The following SOS2 variants were observed in gnomAD, a reference collection of about 807,000 sequenced individuals.
SOS2 encodes SOS Ras/Rho guanine nucleotide exchange factor 2.
Under a neutral mutation model 148.2 loss-of-function variants are expected in SOS2, and 65 were observed. That is an observed-to-expected ratio of 0.44 (90% CI 0.36 to 0.54). SOS2 has a LOEUF of 0.54. Ranked by LOEUF, SOS2 falls within the 20% of genes least tolerant of loss-of-function variation. The pLI is 0.00. For synonymous variants in SOS2, 539 were observed against 537.1 expected (o/e 1.00, Z -0.05); for missense variants, 1,341 against 1,590.2 (o/e 0.84, Z 2.67).
chr14:50,165,044 A>G (rs1026977283), intron 8 of SOS2, among the ~76,000 whole-genome samples: 7 of 152,096 alleles, frequency 4.6e-5, no homozygotes. Context: ...GTTTTGCAGT[A>G]GTTTTTGGAA....
At chr14:50,128,513 G>A (rs1452256829) in intron 21 of SOS2, among the ~76,000 whole-genome samples, 3 of 152,304 alleles carry the variant, frequency 2.0e-5, no homozygotes, top group Non-Finnish European at 2.9e-5. Flanking sequence ...AAGCATAGCA[G>A]TGAATAATAT....
intron 2 of SOS2, among the ~76,000 whole-genome samples, chr14:50,202,019 G>T (rs1460425275): frequency 1.3e-5 from 2 of 152,170 alleles, no homozygotes; most frequent in African/African-American, 4.8e-5. Flanking sequence ...TGCAAGTGCA[G>T]TGGCGGGATC....
intron 8 of SOS2, among the ~76,000 whole-genome samples, chr14:50,164,958 G>A (rs914926311): frequency 3.3e-5 from 5 of 151,994 alleles, no homozygotes; most frequent in Non-Finnish European, 7.3e-5. Context: ...GTGCCAGTGT[G>A]TGCAGATCGT....
At chr14:50,182,682 T>C (rs2139710508) in intron 5 of SOS2, 76 bp from the exon 6 acceptor site, 16 of 1,202,922 alleles carry the variant, frequency 1.3e-5, no homozygotes, top group South Asian at 9.4e-5. Flanking sequence ...TAAAGAGCAA[T>C]ATAGGCTACT....
intron 18 of SOS2, among the ~76,000 whole-genome samples, chr14:50,135,849 C>T (rs924644305): frequency 5.3e-5 from 8 of 150,462 alleles, no homozygotes; most frequent in African/African-American, 2.0e-4. Flanking sequence ...TAATTTTTTG[C>T]TATTATAATA....
chr14:50,226,254 A>T (rs1887370888), intron 1 of SOS2, among the ~76,000 whole-genome samples: 1 of 152,162 alleles, frequency 6.6e-6, no homozygotes, highest in Non-Finnish European at 1.5e-5. Flanking sequence ...ACCAGCCTGG[A>T]GACAGTAATA....
intron 1 of SOS2, among the ~76,000 whole-genome samples, chr14:50,214,516 A>T (rs1024345303): frequency 8.6e-5 from 13 of 151,680 alleles, no homozygotes; most frequent in Admixed American, 6.6e-5. Context: ...AGACATTTTT[A>T]AAAAAGTAGA....
chr14:50,201,270 C>T (rs371038421), intron 2 of SOS2, among the ~76,000 whole-genome samples, 186 bp from the exon 3 acceptor site: 2 of 152,050 alleles, frequency 1.3e-5, no homozygotes, highest in East Asian at 3.9e-4. Flanking sequence ...CGGTGGCTCA[C>T]GTCTGTAATC....
chr14:50,185,158 A>G (rs1214475491), intron 5 of SOS2, among the ~76,000 whole-genome samples: 1 of 152,168 alleles, frequency 6.6e-6, no homozygotes, highest in Non-Finnish European at 1.5e-5. Context: ...CCAATTTATA[A>G]CTGATCAGTT....
chr14:50,220,838 A>G (rs1887181987), intron 1 of SOS2, among the ~76,000 whole-genome samples: 1 of 152,196 alleles, frequency 6.6e-6, no homozygotes, highest in South Asian at 2.1e-4. Context: ...TTGTCATCAA[A>G]GTTTTCTTTG....
At chr14:50,140,339 A>G (rs1884228998) in intron 16 of SOS2, among the ~76,000 whole-genome samples, 1 of 152,228 alleles carries the variant, frequency 6.6e-6, no homozygotes, top group Admixed American at 6.5e-5. Context: ...CAGGGTTTCA[A>G]GTCATAGCTG....
chr14:50,156,837 T>C (rs1884836060), intron 12 of SOS2, 162 bp downstream of exon 12: 1 of 368,292 alleles, frequency 2.7e-6, no homozygotes, highest in Admixed American at 4.0e-5. Context: ...AGAACTCTTT[T>C]AGTTTAACTT....
intron 5 of SOS2, among the ~76,000 whole-genome samples, chr14:50,187,405 T>C (rs141748773): frequency 0.029 from 4,335 of 148,412 alleles, 91 homozygotes; most frequent in Non-Finnish European, 0.047. Flanking sequence ...TGGAGTGCAG[T>C]GGCGTGATCT....
chr14:50,185,612 A>G (rs1218005345), intron 5 of SOS2, among the ~76,000 whole-genome samples: 1 of 151,648 alleles, frequency 6.6e-6, no homozygotes, highest in Non-Finnish European at 1.5e-5. Context: ...GAATCGCTTG[A>G]ACCCGGGAGG....
chr14:50,146,473 A>G (rs1884475708), intron 14 of SOS2, among the ~76,000 whole-genome samples: 1 of 151,958 alleles, frequency 6.6e-6, no homozygotes, highest in South Asian at 2.1e-4. Context: ...GCGAAACCCC[A>G]TCTCTACTAA....
At chr14:50,172,031 A>G (rs1885382929) in intron 8 of SOS2, among the ~76,000 whole-genome samples, 1 of 152,174 alleles carries the variant, frequency 6.6e-6, no homozygotes, top group East Asian at 1.9e-4. Flanking sequence ...TTAATTTAAA[A>G]GGTAATGCCA....
chr14:50,146,502 C>T lies in SOS2; in HGVS notation c.2385-906G>A, dbSNP rs185568887. On this transcript the variant is annotated intron_variant, in intron 14 of 22. Transcript: ENST00000216373. ...CTACTAAAAATACAAAGAAATTAGC[C>T]GGGCGTAGTAGTGCGTGCCTGTAGT... 4.6e-5 allele frequency among the ~76,000 whole-genome samples: 7 copies of T among 152,064 alleles called. No homozygotes were observed. In the East Asian group the frequency reaches 7.7e-4, roughly 17 times the overall value.
At chr14:50,192,143 CAAAAAAAAAAAA>C (rs201836422) in intron 4 of SOS2, among the ~76,000 whole-genome samples, 1 of 118,908 alleles carries the variant, frequency 8.4e-6, no homozygotes, top group Non-Finnish European at 1.7e-5. Context: ...GTCCTTGTCA[CAAAAAAAAAAAA>C]AAAAAAAAAA....
At chr14:50,181,992 TA>T (rs71118851) in intron 6 of SOS2, among the ~76,000 whole-genome samples, 6,437 of 131,268 alleles carry the variant, frequency 0.049, 193 homozygotes, top group African/African-American at 0.093. Context: ...TACTTACCAC[TA>T]AAAAAAAAAA....
Sources: allele counts gnomAD v4.1 joint callset (sites outside exome capture counted in the v4.1 genomes callset), GRCh38; gene constraint gnomAD v4.1.1; transcripts MANE v1.5; gene names NCBI Gene and HGNC (gene_info 2026-07-23, HGNC 2026-07-21).